Variants in ORC5 observed in about 807,000 individuals in gnomAD.
ORC5 encodes origin recognition complex subunit 5, also known as protein phosphatase 1, regulatory subunit 117.
Under a neutral mutation model 58.8 loss-of-function variants are expected in ORC5, and 39 were observed. The ratio of observed to expected loss-of-function variants is 0.66; its 90% CI spans 0.51 to 0.87. ORC5 has a LOEUF of 0.87. Among genes scored for constraint, ORC5 ranks in the 40% least tolerant of loss-of-function variants. The probability of loss-of-function intolerance (pLI) is 0.00; values close to 1 mark genes in which losing one functional copy is unlikely to be tolerated. For missense variants in ORC5, 493 were observed against 506.3 expected, an observed-to-expected ratio of 0.97 and a Z score of 0.25; for synonymous variants, 218 against 177.6, an observed-to-expected ratio of 1.23 and a Z score of -1.81.
At chr7:104,141,439 C>A (rs1480314894) in intron 12 of ORC5, among the ~76,000 whole-genome samples, 2 of 149,332 alleles carry the variant, frequency 1.3e-5, no homozygotes, top group East Asian at 4.0e-4. Flanking sequence ...GAGAAAAAAA[C>A]ATTTAAAGTT....
At chr7:104,199,812 C>A (rs1210720918) in intron 3 of ORC5, among the ~76,000 whole-genome samples, 1 of 152,080 alleles carries the variant, frequency 6.6e-6, no homozygotes, top group African/African-American at 2.4e-5. Context: ...TTGGGAGAGG[C>A]CAAGTGTGGA....
chr7:104,183,248 T>C (rs1001494811), intron 8 of ORC5, among the ~76,000 whole-genome samples: 2 of 152,100 alleles, frequency 1.3e-5, no homozygotes, highest in South Asian at 4.1e-4. Flanking sequence ...CAACGGACTC[T>C]AGGTAGACTC....
chr7:104,184,508 C>T (rs1799502762), intron 6 of ORC5: 1 of 218,502 alleles, frequency 4.6e-6, no homozygotes, highest in African/African-American at 2.3e-5. Context: ...AACAAAACAG[C>T]AAAAATACTA....
intron 13 of ORC5, among the ~76,000 whole-genome samples, chr7:104,135,802 A>C (rs1362897987): frequency 3.3e-5 from 5 of 152,132 alleles, no homozygotes; most frequent in Non-Finnish European, 7.4e-5. Flanking sequence ...TTAATTTTGA[A>C]ATATATGTAA....
intron 12 of ORC5, among the ~76,000 whole-genome samples, chr7:104,146,567 A>G (rs1411409017): frequency 2.0e-5 from 3 of 152,244 alleles, no homozygotes; most frequent in African/African-American, 4.8e-5. Context: ...CAAGTGTTAT[A>G]TACTATATGA....
At chr7:104,148,312 G>A (rs1798792999) in intron 12 of ORC5, among the ~76,000 whole-genome samples, 1 of 152,166 alleles carries the variant, frequency 6.6e-6, no homozygotes, top group East Asian at 1.9e-4. Flanking sequence ...CAAACAAGGA[G>A]CTATAGAATA....
rs562097877 is a variant in ORC5, at chr7:104,190,831, G to C, written c.554-2450C>G. ...ATCATGTCAATTTCCTTTTGTTTAA[G>C]GTTCCCAGTAAGTTAGTATTTTTAG... On this transcript the variant is annotated intron_variant, in intron 5 of 13. Transcript: ENST00000297431. Among the ~76,000 whole-genome samples the C allele has an allele frequency of 5.9e-5, 9 of 151,934 alleles. 1 individual carries two copies. In the South Asian group the frequency reaches 1.9e-3, roughly 32 times the overall value.
intron 8 of ORC5, among the ~76,000 whole-genome samples, chr7:104,182,002 T>C (rs1562821834): frequency 7.2e-5 from 11 of 152,292 alleles, no homozygotes; most frequent in Non-Finnish European, 1.5e-5. Flanking sequence ...AAAAAAGCTA[T>C]AATGTACCTG....
chr7:104,162,703 G>C (rs1042037908), intron 11 of ORC5, among the ~76,000 whole-genome samples: 12 of 152,064 alleles, frequency 7.9e-5, no homozygotes, highest in Admixed American at 2.0e-4. Flanking sequence ...AATACCAATG[G>C]ACTCACCACT....
At position 104,136,590 on chromosome 7, in the gene ORC5, A is replaced by G. The variant is rs1584477430; in HGVS notation, c.1262+191T>C. On this transcript the variant is annotated intron_variant, in intron 13 of 13. Transcript: ENST00000297431. This position sits in a 1 kb window ranked among gnomAD's most constrained non-coding sequence, Gnocchi z 4.2. ...AGAATCTTGATTTTTGTCCTCTAAC[A>G]TATTAGCTATTTCTCCCAGTTTTAC... Among the ~76,000 whole-genome samples the G allele has an allele frequency of 6.6e-6, 1 of 152,158 alleles. No homozygotes were observed. The highest frequency in any genetic ancestry group is 6.5e-5 in the Admixed American group (1 of 15,274).
At chr7:104,203,892 A>T (rs1161707796) in intron 2 of ORC5, among the ~76,000 whole-genome samples, 2 of 152,244 alleles carry the variant, frequency 1.3e-5, no homozygotes, top group Non-Finnish European at 2.9e-5. Flanking sequence ...TGATTTTAAC[A>T]ATGTGAAGCA....
In ORC5 at chr7:104,202,368, TAA is replaced by T. The variant is rs1799965943; in HGVS notation, c.166-1412_166-1411del. On this transcript the variant is annotated intron_variant, in intron 2 of 13. Transcript: ENST00000297431. ...AATAACAGTGTCACTAAAGCCACAT[TAA>T]ACTTACTTGGGGACAGTTTCACCAG... The T allele has an allele frequency of 3.7e-5, 9 of 240,104 alleles. No homozygotes were observed. The South Asian group carries it at 3.9e-4, about 11-fold the overall frequency. The allele number at this position is 240,104 out of a possible 1,614,324, so 14.9% of individuals were successfully genotyped here.
Position 104,191,794 on chromosome 7 carries a change from C to G in ORC5, c.553+3349G>C, listed in dbSNP as rs527663132. ...GTAGTAAACAAAGGGTAGGAGAAAC[C>G]CACTGGTTGTCTCCTTGGGTCTTAA... On this transcript the variant is annotated intron_variant, in intron 5 of 13. Transcript: ENST00000297431. Among the ~76,000 whole-genome samples, 29 of 151,638 alleles carry G rather than the reference C, an allele frequency of 1.9e-4. No individual in the cohort carries two copies. In the South Asian group the frequency reaches 6.0e-3, roughly 32 times the overall value.
At chr7:104,157,517 A>G (rs3808014) in intron 12 of ORC5, among the ~76,000 whole-genome samples, 106,711 of 151,890 alleles carry the variant, frequency 0.7, 38,061 homozygotes, top group Non-Finnish European at 0.76. Context: ...ATTTAACTTC[A>G]TTAACAGACA....
Position 104,174,836 on chromosome 7 carries a change from A to G in ORC5, c.825-6311T>C, listed in dbSNP as rs1562818756. Among the ~76,000 whole-genome samples the G allele has an allele frequency of 2.6e-5, 4 of 152,174 alleles. No individual in the cohort carries two copies. The South Asian group carries it at 8.3e-4, about 32-fold the overall frequency. On this transcript the variant is annotated intron_variant, in intron 8 of 13. Transcript: ENST00000297431. ...TGGTAAGGGAAGAATACCTCCAGTG[A>G]GCATGTGTACAAGGCCAGTAAACAC... is the stretch of plus-strand genomic sequence containing the variant.
intron 12 of ORC5, among the ~76,000 whole-genome samples, chr7:104,142,578 G>GA (rs1562804992): frequency 1.3e-5 from 2 of 151,964 alleles, no homozygotes; most frequent in Non-Finnish European, 2.9e-5. Context: ...TAAAAAGACT[G>GA]AAAAAATCAA....
At chr7:104,173,545 A>G (rs963690407) in intron 8 of ORC5, among the ~76,000 whole-genome samples, 2 of 152,216 alleles carry the variant, frequency 1.3e-5, no homozygotes, top group Non-Finnish European at 2.9e-5. Context: ...CTGCTTCCGC[A>G]GCTCACCTTT....
At chr7:104,190,378 A>C (rs1050928114) in intron 5 of ORC5, among the ~76,000 whole-genome samples, 2 of 152,148 alleles carry the variant, frequency 1.3e-5, no homozygotes, top group Admixed American at 1.3e-4. Flanking sequence ...AAAAGAATTA[A>C]TCTTTTTTTA....
At chr7:104,182,097 C>T (rs1050313850) in intron 8 of ORC5, among the ~76,000 whole-genome samples, 16 of 152,126 alleles carry the variant, frequency 1.1e-4, no homozygotes, top group African/African-American at 3.6e-4. Flanking sequence ...CTAGGTTCCC[C>T]CAATCCAACT....
Sources: allele counts gnomAD v4.1 joint callset (sites outside exome capture counted in the v4.1 genomes callset), GRCh38; gene constraint gnomAD v4.1.1; non-coding constraint Gnocchi (gnomAD v3.1); transcripts MANE v1.5; gene names NCBI Gene and HGNC (gene_info 2026-07-23, HGNC 2026-07-21).